Variants in OPCML observed in about 807,000 individuals in gnomAD.
OPCML encodes opioid-binding protein/cell adhesion molecule.
In OPCML, 13 loss-of-function variants were observed where a neutral mutation model predicts 37.8. That is an observed-to-expected ratio of 0.34 (90% CI 0.22 to 0.55). OPCML has a LOEUF of 0.55. Among genes scored for constraint, OPCML ranks in the 20% least tolerant of loss-of-function variants. The pLI is 0.91. For missense variants in OPCML, 341 were observed against 435.6 expected (o/e 0.78, Z 1.93); for synonymous variants, 176 against 168.8 (o/e 1.04, Z -0.33).
At chr11:133,275,738 C>A (rs979874727) in intron 1 of OPCML, among the ~76,000 whole-genome samples, 8 of 152,140 alleles carry the variant, frequency 5.3e-5, no homozygotes, top group African/African-American at 1.9e-4. Context: ...GTCCCTAGCA[C>A]CCAGAAAGGC....
At chr11:132,581,659 A>T (rs556671448) in intron 3 of OPCML, among the ~76,000 whole-genome samples, 2 of 152,204 alleles carry the variant, frequency 1.3e-5, no homozygotes, top group East Asian at 1.9e-4. Flanking sequence ...AAATGGACTT[A>T]AAAAAGTTCA....
chr11:132,742,698 ATATAT>A (rs1189151208), intron 2 of OPCML, among the ~76,000 whole-genome samples: 6 of 149,302 alleles, frequency 4.0e-5, no homozygotes, highest in African/African-American at 1.2e-4. Context: ...TTTTTATAAT[ATATAT>A]TATATGTACC....
chr11:133,144,793 G>A (rs1949874957), intron 1 of OPCML, among the ~76,000 whole-genome samples: 1 of 152,182 alleles, frequency 6.6e-6, no homozygotes, highest in African/African-American at 2.4e-5. Context: ...TTGGTAACAG[G>A]TAGCTAAGAG....
intron 1 of OPCML, among the ~76,000 whole-genome samples, chr11:132,997,852 G>A (rs749786924): frequency 3.3e-5 from 5 of 152,074 alleles, no homozygotes; most frequent in Middle Eastern, 3.2e-3. Flanking sequence ...TACTTTTTCC[G>A]GGGTTCTCCT....
Position 133,458,777 on chromosome 11 carries a change from A to G in OPCML, c.61+73487T>C, listed in dbSNP as rs190359330. Among the ~76,000 whole-genome samples, 124 of 131,452 alleles carry G rather than the reference A, an allele frequency of 9.4e-4. 2 individuals carry two copies. The highest frequency in any genetic ancestry group is 3.5e-3 in the African/African-American group (88 of 25,060). The allele number at this position is 131,452 out of a possible 152,430, so 86.2% of individuals were successfully genotyped here. On this transcript the variant is annotated intron_variant, in intron 1 of 7. Transcript: ENST00000524381. The stretch of plus-strand genomic sequence containing the variant: ...TATACACATAGATGCACGTGTGTGT[A>G]TATACACATAGATGCACGTGTGTGT...
intron 1 of OPCML, among the ~76,000 whole-genome samples, chr11:133,178,410 C>T (rs188714105): frequency 6.8e-4 from 104 of 151,964 alleles, no homozygotes; most frequent in African/African-American, 2.1e-3. Context: ...GGACCTTCTG[C>T]GATCTGGAAG....
chr11:133,251,201 A>G (rs1386234474), intron 1 of OPCML, among the ~76,000 whole-genome samples: 1 of 152,186 alleles, frequency 6.6e-6, no homozygotes, highest in East Asian at 1.9e-4. Context: ...ATGTTTCACG[A>G]CAGTGGGCTA....
chr11:132,710,572 G>C (rs1944219342), intron 2 of OPCML, among the ~76,000 whole-genome samples: 1 of 152,132 alleles, frequency 6.6e-6, no homozygotes, highest in South Asian at 2.1e-4. Context: ...GTAAGTGAAG[G>C]CTGGGCACAG....
chr11:132,668,293 C>T (rs758643275), intron 2 of OPCML, among the ~76,000 whole-genome samples: 11 of 152,146 alleles, frequency 7.2e-5, no homozygotes, highest in East Asian at 3.9e-4. Flanking sequence ...TGAGGTTTTG[C>T]GAAATGTATA....
intron 2 of OPCML, among the ~76,000 whole-genome samples, chr11:132,659,798 G>A (rs1941875755): frequency 6.6e-6 from 1 of 151,772 alleles, no homozygotes; most frequent in Non-Finnish European, 1.5e-5. Context: ...CAAAATTCAG[G>A]AACTAACTCT....
rs189035401 is a variant in OPCML, at chr11:133,111,794, T to C, written c.62-168784A>G. Among the ~76,000 whole-genome samples the C allele has an allele frequency of 4.9e-4, 75 of 152,308 alleles. No individual in the cohort carries two copies. In the East Asian group the frequency reaches 0.014, roughly 28 times the overall value. ...AGAGTTGATCCTTCATAGATGATAT[T>C]GGTTCCATCATTTCCTAGGGAATTG... On this transcript the variant is annotated intron_variant, in intron 1 of 7. Transcript: ENST00000524381.
chr11:133,038,092 G>A (rs4590883), intron 1 of OPCML, among the ~76,000 whole-genome samples: 97,592 of 152,180 alleles, frequency 0.64, 31,990 homozygotes, highest in East Asian at 0.81. Flanking sequence ...ATCTCTACAA[G>A]TAGGGTGGTG....
At chr11:132,626,052 C>T (rs1289437830) in intron 3 of OPCML, among the ~76,000 whole-genome samples, 1 of 151,802 alleles carries the variant, frequency 6.6e-6, no homozygotes, top group Non-Finnish European at 1.5e-5. Context: ...AGGCACCAGG[C>T]CATATGTAGT....
At chr11:133,130,172 AG>A (rs1285768662) in intron 1 of OPCML, among the ~76,000 whole-genome samples, 2 of 152,128 alleles carry the variant, frequency 1.3e-5, no homozygotes, top group Non-Finnish European at 2.9e-5. Flanking sequence ...AGAAAATACT[AG>A]ATAAGAATAA....
At chr11:133,372,337 G>C (rs1340717253) in intron 1 of OPCML, among the ~76,000 whole-genome samples, 1 of 152,152 alleles carries the variant, frequency 6.6e-6, no homozygotes. Context: ...CACCATGTGT[G>C]TTCTTTGTTC....
chr11:132,908,586 G>A (rs1944320515), intron 2 of OPCML, among the ~76,000 whole-genome samples: 1 of 152,202 alleles, frequency 6.6e-6, no homozygotes, highest in Non-Finnish European at 1.5e-5. Flanking sequence ...CAGGCTAAGT[G>A]GTCTAAGGAG....
chr11:133,019,907 C>T (rs891346926), intron 1 of OPCML, among the ~76,000 whole-genome samples: 4 of 152,238 alleles, frequency 2.6e-5, no homozygotes, highest in African/African-American at 4.8e-5. Flanking sequence ...CTCAACCACA[C>T]GCACACAGGC....
At chr11:132,680,691 G>T (rs1192294868) in intron 2 of OPCML, among the ~76,000 whole-genome samples, 1 of 152,112 alleles carries the variant, frequency 6.6e-6, no homozygotes, top group Admixed American at 6.5e-5. Context: ...TAGTGTCAAC[G>T]ATACAGATAA....
intron 1 of OPCML, among the ~76,000 whole-genome samples, chr11:133,387,965 G>A (rs1217163822): frequency 6.6e-6 from 1 of 152,140 alleles, no homozygotes; most frequent in Non-Finnish European, 1.5e-5. Context: ...AAGACACTTA[G>A]GCAGGAACCA....
Sources: allele counts gnomAD v4.1 joint callset (sites outside exome capture counted in the v4.1 genomes callset), GRCh38; gene constraint gnomAD v4.1.1; transcripts MANE v1.5; gene names NCBI Gene and HGNC (gene_info 2026-07-23, HGNC 2026-07-21).